The following ASTN2 variants were observed in gnomAD, a reference collection of about 807,000 sequenced individuals.
ASTN2 encodes the protein astrotactin-2.
In ASTN2, 54 loss-of-function variants were observed where a neutral mutation model predicts 139.8. The ratio of observed to expected loss-of-function variants is 0.39; its 90% CI spans 0.31 to 0.48. The LOEUF is 0.48. Among genes scored for constraint, ASTN2 ranks in the 20% least tolerant of loss-of-function variants. The pLI is 0.95. For missense variants in ASTN2, 1,565 were observed against 1,725.1 expected (o/e 0.91, Z 1.64); for synonymous variants, 756 against 719.5 (o/e 1.05, Z -0.81).
In ASTN2 at chr9:117,008,207, T is replaced by A. The variant is rs1056178448; in HGVS notation, c.1476A>T (p.Leu492Phe). The A allele has an allele frequency of 6.2e-7, 1 of 1,610,800 alleles. No individual in the cohort carries two copies. ...AATACAGGGAAAGCTTGGCCGGGTT[T>A]AACCAGTCGGAGATGTCCAGGTAGC... ...EGSYLDISDW[L>F]NPAKLSLYYQ... is the part of the protein sequence containing the mutation. The change falls in exon 7 of 23, where the codon TTA becomes TTT. Residue 492 changes from leucine to phenylalanine, a missense_variant. Physicochemically the swap from Leu to Phe is conservative, Grantham distance 22. Around this residue, in one of 4 missense-constraint regions of ASTN2, gnomAD observed 503 missense variants for 591.7 expected, o/e 0.85. Transcript: ENST00000313400.
At chr9:116,716,326 T>G (rs10817925) in intron 16 of ASTN2, among the ~76,000 whole-genome samples, 95,712 of 151,948 alleles carry the variant, frequency 0.63, 30,984 homozygotes, top group Middle Eastern at 0.74. Context: ...AGTCTGCCAA[T>G]CAAAGACTCT....
chr9:116,556,777 A>C (rs1356083771), intron 19 of ASTN2, among the ~76,000 whole-genome samples: 2 of 152,166 alleles, frequency 1.3e-5, no homozygotes, highest in Non-Finnish European at 2.9e-5. Context: ...ATATTGAAGT[A>C]ATTTTCTACC....
At chr9:116,520,644 C>T (rs754156272) in intron 19 of ASTN2, among the ~76,000 whole-genome samples, 6 of 152,064 alleles carry the variant, frequency 3.9e-5, no homozygotes, top group Non-Finnish European at 7.4e-5. Context: ...AGTGGAAGTC[C>T]TAGCAAGAGC....
intron 6 of ASTN2, among the ~76,000 whole-genome samples, chr9:117,023,672 G>T (rs1837962546): frequency 6.6e-6 from 1 of 151,810 alleles, no homozygotes; most frequent in Non-Finnish European, 1.5e-5. Context: ...ATAAGAAACA[G>T]GAAATAAATA....
intron 22 of ASTN2, among the ~76,000 whole-genome samples, chr9:116,436,773 A>C (rs961419174): frequency 2.0e-5 from 3 of 151,976 alleles, no homozygotes; most frequent in African/African-American, 7.3e-5. Flanking sequence ...TGTTTATTGC[A>C]GCACTATTCA....
chr9:116,447,534 G>A (rs1286288050), intron 20 of ASTN2, among the ~76,000 whole-genome samples: 1 of 152,108 alleles, frequency 6.6e-6, no homozygotes, highest in East Asian at 1.9e-4. Context: ...AGATTGAAAG[G>A]TTACTAAAAT....
intron 3 of ASTN2, among the ~76,000 whole-genome samples, chr9:117,171,364 G>T (rs758865589): frequency 4.6e-5 from 7 of 152,130 alleles, no homozygotes; most frequent in Non-Finnish European, 1.0e-4. Context: ...CTGCAGAAGG[G>T]TTGTTTAACC....
intron 1 of ASTN2, among the ~76,000 whole-genome samples, chr9:117,411,665 G>C (rs1033728198): frequency 4.6e-5 from 7 of 152,080 alleles, no homozygotes; most frequent in African/African-American, 1.7e-4. Flanking sequence ...TAATACCAGG[G>C]ATGGTTTACC....
intron 2 of ASTN2, among the ~76,000 whole-genome samples, chr9:117,228,054 T>C (rs892619527): frequency 6.6e-6 from 1 of 152,226 alleles, no homozygotes; most frequent in African/African-American, 2.4e-5. Context: ...GTACATTCCT[T>C]GGCTAGCCAT....
chr9:116,556,613 G>A (rs1397074399), intron 19 of ASTN2, among the ~76,000 whole-genome samples: 1 of 152,204 alleles, frequency 6.6e-6, no homozygotes, highest in Admixed American at 6.5e-5. Context: ...GAAATAGAGA[G>A]AGAGAAAGTG....
rs533854929 is a variant in ASTN2, at chr9:116,983,893, G to T, written c.1592-7108C>A. ...CATCCTCAGCTTAGAGCCAAGGGCA[G>T]CTGAGTCCTGGCTAGATCAGTCCAC... is the stretch of plus-strand genomic sequence containing the variant. On this transcript the variant is annotated intron_variant, in intron 7 of 22. Transcript: ENST00000313400. Among the ~76,000 whole-genome samples, 47 of 152,336 alleles carry T rather than the reference G, an allele frequency of 3.1e-4. 2 individuals carry two copies. In the South Asian group the frequency reaches 9.3e-3, roughly 30 times the overall value.
chr9:116,566,896 C>A (rs9409181), intron 19 of ASTN2, among the ~76,000 whole-genome samples: 18,005 of 152,098 alleles, frequency 0.12, 1,193 homozygotes, highest in Non-Finnish European at 0.14. Context: ...CAGACTCCCC[C>A]CAACCTGATG....
chr9:116,900,368 G>T (rs1366203122), intron 10 of ASTN2, among the ~76,000 whole-genome samples: 4 of 152,136 alleles, frequency 2.6e-5, no homozygotes, highest in African/African-American at 9.7e-5. Context: ...TGACAGAGAA[G>T]GGTTTGTCAT....
chr9:116,476,675 T>C (rs955765321), intron 20 of ASTN2, among the ~76,000 whole-genome samples: 1 of 152,248 alleles, frequency 6.6e-6, no homozygotes, highest in Non-Finnish European at 1.5e-5. Flanking sequence ...CTGCAGTAAG[T>C]TATGAAAAAT....
At chr9:116,907,654 G>A (rs138220812) in intron 10 of ASTN2, among the ~76,000 whole-genome samples, 44 of 152,280 alleles carry the variant, frequency 2.9e-4, no homozygotes, top group Middle Eastern at 6.8e-3. Flanking sequence ...CACCTGTACC[G>A]TGCTCAGGGA....
At chr9:116,952,549 G>A (rs922595923) in intron 10 of ASTN2, among the ~76,000 whole-genome samples, 5 of 152,202 alleles carry the variant, frequency 3.3e-5, no homozygotes, top group African/African-American at 9.6e-5. Flanking sequence ...GTGATGAGAG[G>A]CACAGGCTGT....
intron 19 of ASTN2, among the ~76,000 whole-genome samples, chr9:116,490,317 GT>G (rs1445278751): frequency 1.1e-5 from 1 of 94,104 alleles, no homozygotes; most frequent in African/African-American, 3.0e-5. Context: ...GGCATTGGTG[GT>G]GAGGGTGAGG....
intron 16 of ASTN2, among the ~76,000 whole-genome samples, chr9:116,683,946 G>T (rs1860044824): frequency 1.3e-5 from 2 of 152,138 alleles, no homozygotes; most frequent in African/African-American, 4.8e-5. Flanking sequence ...GCCAATTAAA[G>T]CCCCCTGGGG....
chr9:117,020,260 G>A (rs977012101), intron 6 of ASTN2, among the ~76,000 whole-genome samples: 2 of 151,892 alleles, frequency 1.3e-5, no homozygotes, highest in African/African-American at 4.8e-5. Context: ...ACCAACTTCA[G>A]AAGATTTGGG....
Sources: allele counts gnomAD v4.1 joint callset (sites outside exome capture counted in the v4.1 genomes callset), GRCh38; gene constraint gnomAD v4.1.1; regional missense constraint gnomAD v4.1.1; transcripts MANE v1.5; gene names NCBI Gene and HGNC (gene_info 2026-07-23, HGNC 2026-07-21).